Variants in TREH observed in about 807,000 individuals in gnomAD.
The protein encoded by TREH is trehalase.
A neutral mutation model predicts 80.5 loss-of-function variants in TREH; 69 were observed. The ratio of observed to expected loss-of-function variants is 0.86; its 90% confidence interval spans 0.71 to 1.05. TREH has a LOEUF of 1.05. Ranked by LOEUF, TREH falls within the 50% of genes least tolerant of loss-of-function variation. TREH has a pLI of 0.00. For missense variants in TREH, 716 were observed against 718.8 expected (o/e 1.00, Z 0.04); for synonymous variants, 309 against 293.5 (o/e 1.05, Z -0.54).
chr11:118,660,694 G>C lies in TREH; in HGVS notation c.947C>G (p.Ala316Gly). 1.2e-6 allele frequency: 2 copies of C among 1,600,302 alleles called. No homozygotes were observed. Among genetic ancestry groups the C allele is most frequent in the Non-Finnish European group, 1.7e-6 (2 of 1,173,532 alleles). ...EALWAELKAG[A>G]ESGWDFSSRW... Reference sequence around the variant, plus strand: ...TGAAGAGAAGTCCCAGCCAGACTCAGCCCCAGCCTTGAGCTCAGCCCACAG... The same window carrying C: ...TGAAGAGAAGTCCCAGCCAGACTCACCCCCAGCCTTGAGCTCAGCCCACAG... Residue 316 changes from alanine to glycine, a missense_variant, in exon 10 of 15, where the codon GCT becomes GGT. Transcript: ENST00000264029.
chr11:118,661,246 A>AAAG lies in TREH; in HGVS notation c.768_770dup (p.Phe257dup). 1 of 1,613,948 alleles carries AAAG rather than the reference A, an allele frequency of 6.2e-7. No homozygotes were observed. The highest frequency in any genetic ancestry group is 8.5e-7 in the Non-Finnish European group (1 of 1,179,876). On this transcript the variant is annotated inframe_insertion, in exon 8 of 15. Coordinates refer to ENST00000264029, the MANE Select transcript of TREH (RefSeq NM_007180.3). This position sits in a 1 kb window ranked among gnomAD's most constrained non-coding sequence, Gnocchi z 4.2. ...CAGAGACAGTCCTGTTCTTGGTCCA[A>AAAG]AAGTCCAATTCCAAGGCTAGTGTTT...
chr11:118,658,476 G>A, intron 14 of TREH, 35 bp from the exon 15 acceptor site: 1 of 1,604,926 alleles, frequency 6.2e-7, no homozygotes, highest in East Asian at 2.2e-5. Flanking sequence ...CAGTTTCTGG[G>A]GAAGCCTCAT....
In TREH at chr11:118,661,465, C is replaced by A; in HGVS notation, c.662G>T (p.Arg221Leu). The A allele has an allele frequency of 6.2e-7, 1 of 1,613,824 alleles. No individual in the cohort carries two copies. The highest frequency in any genetic ancestry group is 8.5e-7 in the Non-Finnish European group (1 of 1,179,828). ...GAGGGTCAAGAGTGGGGGCTGGCTCCGCTGCAGGTAGTACACGCGCCCACC... is the reference window on the plus strand; with the variant it reads ...GAGGGTCAAGAGTGGGGGCTGGCTCAGCTGCAGGTAGTACACGCGCCCACC... ...PNGGRVYYLQ[R>L]SQPPLLTLMM... Residue 221 changes from arginine to leucine, a missense_variant, in exon 7 of 15, where the codon CGG becomes CTG. Arg to Leu is a moderately radical substitution (Grantham distance 102). Transcript: ENST00000264029. The surrounding 1 kb of genome is among the most constrained non-coding windows in gnomAD (Gnocchi z 4.2).
chr11:118,677,453 C>T (rs923559306), intron 1 of TREH, among the ~76,000 whole-genome samples: 68 of 152,272 alleles, frequency 4.5e-4, no homozygotes, highest in Admixed American at 1.4e-3. Context: ...AGGCTGGGCA[C>T]GGTGGTTCAT....
At chr11:118,663,284 G>C (rs1555145353) in intron 2 of TREH, 55 bp downstream of exon 2, 1 of 1,562,170 alleles carries the variant, frequency 6.4e-7, no homozygotes, top group East Asian at 2.4e-5. Flanking sequence ...CTTGCCCCCT[G>C]CCTTCTTTGG....
intron 1 of TREH, among the ~76,000 whole-genome samples, chr11:118,678,426 T>C (rs1473234212): frequency 4.6e-5 from 7 of 152,194 alleles, no homozygotes; most frequent in Admixed American, 2.0e-4. Context: ...TGCAATGGCA[T>C]GATCTTGGCT....
At position 118,658,993 on chromosome 11, in the gene TREH, C is replaced by T. The variant is rs202164923; in HGVS notation, c.1457G>A (p.Arg486Gln). The change falls in exon 13 of 15, where the codon CGG (arginine) becomes CAG (glutamine). Residue 486 changes from arginine (R) to glutamine (Q), a missense_variant. Arg to Gln is a conservative substitution (Grantham distance 43, BLOSUM62 1). Coordinates refer to ENST00000264029, the MANE Select transcript of TREH (RefSeq NM_007180.3). Reference sequence around the variant, plus strand: ...CAGCTGGAAAGCCACTTCCTGGGCCCGACGTAAAGGTGCCTTGGCCAGGCC... The same window carrying T: ...CAGCTGGAAAGCCACTTCCTGGGCCTGACGTAAAGGTGCCTTGGCCAGGCC... ...IRGLAKAPLR[R>Q]AQEVAFQLAQ... 2.5e-4 allele frequency: 403 copies of T among 1,613,674 alleles called. 1 individual carries two copies. Among genetic ancestry groups the T allele is most frequent in the African/African-American group, 3.3e-4 (25 of 74,894 alleles).
chr11:118,661,333 C>T lies in TREH; in HGVS notation c.735-51G>A. 1.9e-6 allele frequency: 3 copies of T among 1,613,914 alleles called. No homozygotes were observed. The highest frequency in any genetic ancestry group is 2.2e-5 in the East Asian group (1 of 44,886). ...GCCCAGGCGTGCTGCCCATCCCCAGCCCTGAGAGGTCTGAGGGATGGGTGG... is the reference window on the plus strand; with the variant it reads ...GCCCAGGCGTGCTGCCCATCCCCAGTCCTGAGAGGTCTGAGGGATGGGTGG... On this transcript the variant is annotated intron_variant, in intron 7 of 14. Transcript: ENST00000264029. This position sits in a 1 kb window ranked among gnomAD's most constrained non-coding sequence, Gnocchi z 4.2.
intron 1 of TREH, among the ~76,000 whole-genome samples, chr11:118,670,411 A>G (rs986718786): frequency 6.6e-6 from 1 of 152,242 alleles, no homozygotes; most frequent in Non-Finnish European, 1.5e-5. Flanking sequence ...TAGCAAAACA[A>G]TTATGCTTTC....
At chr11:118,670,074 G>A (rs557614534) in intron 1 of TREH, among the ~76,000 whole-genome samples, 2 of 152,196 alleles carry the variant, frequency 1.3e-5, no homozygotes, top group Non-Finnish European at 2.9e-5. Context: ...TTAAATAAAT[G>A]TAAGGTATTA....
In TREH at chr11:118,660,967, C is replaced by T. The variant is rs1949314912; in HGVS notation, c.858-52G>A. 3 of 1,554,476 alleles carry T rather than the reference C, an allele frequency of 1.9e-6. No individual in the cohort carries two copies. The African/African-American group carries it at 4.1e-5, about 21-fold the overall frequency. On this transcript the variant is annotated intron_variant, in intron 8 of 14. Coordinates refer to ENST00000264029, the MANE Select transcript of TREH (RefSeq NM_007180.3). The stretch of plus-strand genomic sequence containing the variant: ...TGGCACTAGTAGCTACTAAGCCCCT[C>T]TGTGGTCAAGAAGAGGCTGAGCCAT...
At position 118,658,118 on chromosome 11, in the gene TREH, C is replaced by T; in HGVS notation, c.*171G>A. ...CAGGATTTCCACCCTATTCAAGGTT[C>T]CAGGAGGGAGCTAGGCCCCTACCCA... On this transcript the variant is annotated 3_prime_UTR_variant, in exon 15 of 15. Transcript: ENST00000264029. The T allele has an allele frequency of 1.1e-6, 1 of 912,248 alleles. No homozygotes were observed. Among genetic ancestry groups the T allele is most frequent in the East Asian group, 2.7e-5 (1 of 37,594 alleles). 56.5% of individuals were successfully genotyped at this position (912,248 alleles called of 1,614,324 possible).
Position 118,659,861 on chromosome 11 carries a change from G to C in TREH, c.1206C>G (p.Tyr402Ter). ...WDEQTGAWFD[Y>*]DLEKKKKNRE... is the part of the protein sequence containing the mutation. ...GGTTTTTCTTCTTCTTCTCAAGGTC[G>C]TAATCGAACCAGGCTCCGGTCTGCT... Residue 402 changes from tyrosine to a stop codon, truncating the protein, a stop_gained, in exon 11 of 15, where the codon TAC becomes TAG. Coordinates refer to ENST00000264029, the MANE Select transcript of TREH (RefSeq NM_007180.3). LOFTEE classifies it high-confidence loss of function. The C allele has an allele frequency of 6.4e-7, 1 of 1,553,984 alleles. No individual in the cohort carries two copies. Among genetic ancestry groups the C allele is most frequent in the African/African-American group, 1.4e-5 (1 of 73,342 alleles).
chr11:118,678,124 C>A (rs1949497834), intron 1 of TREH, among the ~76,000 whole-genome samples: 1 of 152,156 alleles, frequency 6.6e-6, no homozygotes, highest in African/African-American at 2.4e-5. Flanking sequence ...ATCACACAGG[C>A]CTTCGTCCCA....
intron 2 of TREH, 51 bp downstream of exon 2, chr11:118,663,288 T>C (rs1203515703): frequency 2.6e-6 from 4 of 1,563,308 alleles, no homozygotes; most frequent in Non-Finnish European, 3.5e-6. Context: ...CCCCCTGCCT[T>C]CTTTGGAGAG....
At chr11:118,663,939 C>G (rs969168647) in intron 1 of TREH, among the ~76,000 whole-genome samples, 1 of 152,072 alleles carries the variant, frequency 6.6e-6, no homozygotes, top group Non-Finnish European at 1.5e-5. Context: ...GCCTCCATGA[C>G]GGCAGGACAC....
At chr11:118,659,332 G>C (rs1400752702) in intron 12 of TREH, 38 bp downstream of exon 12, 7 of 1,481,828 alleles carry the variant, frequency 4.7e-6, no homozygotes, top group Non-Finnish European at 6.3e-6. Context: ...TCTACACCCT[G>C]GGAAGGGTCC....
At chr11:118,663,713 G>C (rs1949350920) in intron 1 of TREH, among the ~76,000 whole-genome samples, 1 of 152,148 alleles carries the variant, frequency 6.6e-6, no homozygotes, top group Non-Finnish European at 1.5e-5. Context: ...AGAATAGCTG[G>C]TGGACAAAGG....
intron 1 of TREH, among the ~76,000 whole-genome samples, chr11:118,673,846 C>G (rs1234567985): frequency 1.3e-5 from 2 of 152,222 alleles, no homozygotes; most frequent in African/African-American, 2.4e-5. Context: ...ATCAGAGTAA[C>G]AACCTTCCAA....
Sources: allele counts gnomAD v4.1 joint callset (sites outside exome capture counted in the v4.1 genomes callset), GRCh38; gene constraint gnomAD v4.1.1; non-coding constraint Gnocchi (gnomAD v3.1); transcripts MANE v1.5; gene names NCBI Gene and HGNC (gene_info 2026-07-23, HGNC 2026-07-21).